The following MAF variants were observed in gnomAD, a reference collection of about 807,000 sequenced individuals.
MAF encodes the protein MAF bZIP transcription factor.
A neutral mutation model predicts 22.0 loss-of-function variants in MAF; 10 were observed. The ratio of observed to expected loss-of-function variants is 0.45; its 90% confidence interval spans 0.28 to 0.77. The LOEUF (loss-of-function observed/expected upper bound fraction) is 0.77, where lower values mean the gene tolerates loss of function less well. MAF is among the 30% of genes least tolerant of loss of function. MAF has a pLI of 0.12. For missense variants in MAF, 544 were observed against 548.4 expected, an observed-to-expected ratio of 0.99 and a Z score of 0.08; for synonymous variants, 337 against 255.8, an observed-to-expected ratio of 1.32 and a Z score of -3.03.
chr16:79,317,949 C>G, the MAF span, among the ~76,000 whole-genome samples: 1 of 135,788 alleles, frequency 7.4e-6, no homozygotes, highest in East Asian at 2.3e-4. Flanking sequence ...CACTCACTCA[C>G]TCACTCACTC....
the MAF span, among the ~76,000 whole-genome samples, chr16:79,548,149 C>T: frequency 2.0e-5 from 3 of 152,034 alleles, no homozygotes; most frequent in Non-Finnish European, 2.9e-5. Context: ...AATTTCTTTT[C>T]AAGATTTGAT....
the MAF span, among the ~76,000 whole-genome samples, chr16:79,387,005 C>A: frequency 6.6e-6 from 1 of 152,190 alleles, no homozygotes; most frequent in Non-Finnish European, 1.5e-5. Context: ...TTTAACTATA[C>A]CCCAAGGCTT....
At chr16:79,268,824 G>T in the MAF span, among the ~76,000 whole-genome samples, 1 of 152,154 alleles carries the variant, frequency 6.6e-6, no homozygotes, top group African/African-American at 2.4e-5. Context: ...CACACAAGCC[G>T]CATTGTCAGA....
the MAF span, among the ~76,000 whole-genome samples, chr16:79,333,656 A>G: frequency 6.6e-6 from 1 of 152,242 alleles, no homozygotes; most frequent in Non-Finnish European, 1.5e-5. Context: ...ATAAGAAAAG[A>G]AGAGACAATC....
At chr16:79,547,418 T>C in the MAF span, among the ~76,000 whole-genome samples, 2 of 152,114 alleles carry the variant, frequency 1.3e-5, no homozygotes, top group East Asian at 1.9e-4. Context: ...AATCAGTTAA[T>C]TGAAAGATCA....
the MAF span, among the ~76,000 whole-genome samples, chr16:79,568,730 T>C: frequency 5.3e-5 from 8 of 152,192 alleles, no homozygotes; most frequent in Non-Finnish European, 1.2e-4. Context: ...CACCTTTTAG[T>C]GGACCTACAA....
the MAF span, among the ~76,000 whole-genome samples, chr16:79,573,330 T>A: frequency 6.6e-6 from 1 of 152,258 alleles, no homozygotes; most frequent in Non-Finnish European, 1.5e-5. Context: ...TACATCAGGC[T>A]AAGGAAAATC....
the MAF span, among the ~76,000 whole-genome samples, chr16:79,383,819 C>A: frequency 4.6e-5 from 7 of 152,114 alleles, no homozygotes; most frequent in African/African-American, 1.7e-4. Context: ...TATCAGAATT[C>A]AAAAAGAGCC....
At chr16:79,590,140 T>A (rs1282352069), downstream of MAF, among the ~76,000 whole-genome samples, 5 of 151,984 alleles carry the variant, frequency 3.3e-5, no homozygotes, top group East Asian at 9.7e-4. Flanking sequence ...TCCAGGGCTA[T>A]TGGGCCCCGC....
chr16:79,211,514 G>A, the MAF span: 2 of 1,523,172 alleles, frequency 1.3e-6, no homozygotes, highest in Non-Finnish European at 1.8e-6. Context: ...GAACCAGGTG[G>A]GGGAGGCCTG....
At chr16:79,435,365 G>A in the MAF span, among the ~76,000 whole-genome samples, 1 of 152,122 alleles carries the variant, frequency 6.6e-6, no homozygotes, top group Non-Finnish European at 1.5e-5. Flanking sequence ...TGAAAGCCTT[G>A]ATGTTCCTGG....
At chr16:79,574,015 G>C in the MAF span, among the ~76,000 whole-genome samples, 3 of 152,192 alleles carry the variant, frequency 2.0e-5, no homozygotes, top group Non-Finnish European at 4.4e-5. Flanking sequence ...AAGGATCTGA[G>C]ACAGCTACTA....
At chr16:79,535,765 G>C in the MAF span, among the ~76,000 whole-genome samples, 6 of 151,600 alleles carry the variant, frequency 4.0e-5, no homozygotes, top group Admixed American at 2.6e-4. Context: ...GCCCAGCTAA[G>C]AGAAAGGGTT....
At chr16:79,281,143 T>C in the MAF span, among the ~76,000 whole-genome samples, 1 of 150,298 alleles carries the variant, frequency 6.7e-6, no homozygotes, top group East Asian at 2.0e-4. Context: ...AGGGAAGAAG[T>C]AGAAGATAGG....
the MAF span, among the ~76,000 whole-genome samples, chr16:79,217,619 T>C: frequency 6.6e-6 from 1 of 152,178 alleles, no homozygotes; most frequent in African/African-American, 2.4e-5. Flanking sequence ...CATCTGATGC[T>C]ACAGAATCCA....
chr16:79,532,729 G>T, the MAF span, among the ~76,000 whole-genome samples: 1 of 152,194 alleles, frequency 6.6e-6, no homozygotes, highest in South Asian at 2.1e-4. Flanking sequence ...CGTGAGTGCA[G>T]ATACATGTGT....
the MAF span, among the ~76,000 whole-genome samples, chr16:79,437,140 C>G: frequency 0.027 from 693 of 25,984 alleles, 4 homozygotes; most frequent in East Asian, 0.19. Flanking sequence ...AAAGCTCTCT[C>G]TCTCTCTGTG....
chr16:79,313,142 T>C, the MAF span, among the ~76,000 whole-genome samples: 3 of 152,084 alleles, frequency 2.0e-5, no homozygotes, highest in Non-Finnish European at 1.5e-5. Context: ...GCCACGAAGA[T>C]CGAATGCCAT....
chr16:79,213,469 ACT>A, the MAF span, among the ~76,000 whole-genome samples: 2 of 152,026 alleles, frequency 1.3e-5, no homozygotes, highest in African/African-American at 2.4e-5. Context: ...TCAGAACTCC[ACT>A]CTCAGAATCT....
Sources: allele counts gnomAD v4.1 joint callset (sites outside exome capture counted in the v4.1 genomes callset), GRCh38; gene constraint gnomAD v4.1.1; transcripts MANE v1.5; gene names NCBI Gene and HGNC (gene_info 2026-07-23, HGNC 2026-07-21).